The following GALNT9 variants were observed in gnomAD, a reference collection of about 807,000 sequenced individuals.
GALNT9 encodes the protein GalNAc transferase 9.
Under a neutral mutation model 63.1 loss-of-function variants are expected in GALNT9, and 47 were observed. That is an observed-to-expected ratio of 0.75 (90% CI 0.59 to 0.95). The LOEUF (loss-of-function observed/expected upper bound fraction) is 0.95. Among genes scored for constraint, GALNT9 ranks in the 40% least tolerant of loss-of-function variants. The pLI is 0.00. For missense variants in GALNT9, 829 were observed against 874.8 expected (o/e 0.95, Z 0.66); for synonymous variants, 396 against 365.7 (o/e 1.08, Z -0.94).
chr12:132,200,867 T>G (rs555214329), intron 8 of GALNT9: 6 of 504,670 alleles, frequency 1.2e-5, no homozygotes, highest in African/African-American at 7.8e-5. Flanking sequence ...TGTATGGACA[T>G]GTGGGTCTGC....
intron 1 of GALNT9, among the ~76,000 whole-genome samples, chr12:132,300,654 C>T (rs868915566): frequency 3.1e-3 from 451 of 147,686 alleles, no homozygotes; most frequent in African/African-American, 0.011. Flanking sequence ...ACCTAACCCA[C>T]CCCTGAGATG....
chr12:132,215,607 G>T (rs930331775), intron 6 of GALNT9, among the ~76,000 whole-genome samples: 7 of 152,234 alleles, frequency 4.6e-5, no homozygotes, highest in Admixed American at 1.3e-4. Context: ...CTGCTTGTTG[G>T]CTCCAAGACC....
In GALNT9 at chr12:132,257,621, C is replaced by T. The variant is rs552543913; in HGVS notation, c.959+68G>A. Reference sequence around the variant, plus strand: ...CCCTCATCCCTGGCCCTCGTCCCCACGCCCGCCTCGCTCTGCTCCGCTCCT... The same window carrying T: ...CCCTCATCCCTGGCCCTCGTCCCCATGCCCGCCTCGCTCTGCTCCGCTCCT... On this transcript the variant is annotated intron_variant, in intron 5 of 10. Transcript: ENST00000328957. The T allele has an allele frequency of 2.7e-4, 347 of 1,276,832 alleles. No individual in the cohort carries two copies. The African/African-American group carries it at 3.3e-3, about 12-fold the overall frequency. 79.1% of individuals were successfully genotyped at this position (1,276,832 alleles called of 1,614,324 possible). A position where few individuals can be genotyped will look rare whatever the true frequency, so the allele number is the denominator to read the frequency against.
At chr12:132,247,770 A>C (rs1878766239) in intron 6 of GALNT9, 140 bp downstream of exon 6, 14 of 1,211,878 alleles carry the variant, frequency 1.2e-5, no homozygotes, top group Non-Finnish European at 1.5e-5. Flanking sequence ...ACTCGCCCTC[A>C]CCCCATCCCC....
intron 6 of GALNT9, among the ~76,000 whole-genome samples, chr12:132,230,060 A>G (rs1339872717): frequency 6.6e-6 from 1 of 152,084 alleles, no homozygotes; most frequent in Non-Finnish European, 1.5e-5. Flanking sequence ...TGCATCCATC[A>G]ACAGTCGCCA....
intron 1 of GALNT9, among the ~76,000 whole-genome samples, chr12:132,304,718 G>A (rs797037490): frequency 7.4e-5 from 1 of 13,588 alleles, no homozygotes; most frequent in African/African-American, 2.4e-4. Context: ...CCTGGGCACA[G>A]CCTCACCGGG....
chr12:132,289,231 C>T (rs563593739), intron 1 of GALNT9, among the ~76,000 whole-genome samples: 4 of 152,310 alleles, frequency 2.6e-5, no homozygotes, highest in South Asian at 2.1e-4. Context: ...TTTCCCCTCC[C>T]GGTTTATCTC....
intron 6 of GALNT9, chr12:132,240,547 C>G (rs782181697): frequency 1.1e-5 from 5 of 445,880 alleles, no homozygotes; most frequent in Non-Finnish European, 2.2e-5. Flanking sequence ...GGCGTGGCCC[C>G]AGGGCTCAGC....
chr12:132,198,236 C>T (rs1875689688), intron 9 of GALNT9, among the ~76,000 whole-genome samples: 1 of 152,254 alleles, frequency 6.6e-6, no homozygotes, highest in Non-Finnish European at 1.5e-5. Context: ...ATGAATGTGG[C>T]TCAGACCCAG....
intron 1 of GALNT9, among the ~76,000 whole-genome samples, chr12:132,292,139 C>A (rs1400604150): frequency 7.7e-6 from 1 of 129,404 alleles, no homozygotes; most frequent in Non-Finnish European, 1.7e-5. Flanking sequence ...TTCCTCCCTG[C>A]CTCATTTTCC....
chr12:132,202,675 G>A (rs1463173764), intron 7 of GALNT9, among the ~76,000 whole-genome samples: 1 of 152,144 alleles, frequency 6.6e-6, no homozygotes, highest in Non-Finnish European at 1.5e-5. Context: ...ATGCAGACAA[G>A]CCCGTTTCTA....
rs1555245647 is a variant in GALNT9, at chr12:132,315,821, G to A, written c.238+13145C>T. ...TACTCCCCACCGCGTCACACAGGGT[G>A]TGAGTGACACGGCCTCAGGGGAAGA... On this transcript the variant is annotated intron_variant, in intron 1 of 10. Transcript: ENST00000328957. The surrounding 1 kb of genome is among the most constrained non-coding windows in gnomAD (Gnocchi z 6.1). Among the ~76,000 whole-genome samples the A allele has an allele frequency of 1.3e-5, 2 of 152,250 alleles. No homozygotes were observed. Among genetic ancestry groups the A allele is most frequent in the Non-Finnish European group, 2.9e-5 (2 of 68,042 alleles).
At position 132,320,746 on chromosome 12, in the gene GALNT9, C is replaced by T. The variant is rs568212834; in HGVS notation, c.238+8220G>A. Among the ~76,000 whole-genome samples, 15 of 141,502 alleles carry T rather than the reference C, an allele frequency of 1.1e-4. No homozygotes were observed. The Middle Eastern group carries it at 0.018, about 172-fold the overall frequency. 92.8% of individuals were successfully genotyped at this position (141,502 alleles called of 152,430 possible). On this transcript the variant is annotated intron_variant, in intron 1 of 10. Coordinates refer to ENST00000328957, the MANE Select transcript of GALNT9 (RefSeq NM_001122636.2). The stretch of plus-strand genomic sequence containing the variant: ...GGCCTCCGCCCCCACCAGGTGCCCT[C>T]GGGGTTGGAGAATCATCAGCCCACC...
At chr12:132,254,489 G>T (rs1879041358) in intron 5 of GALNT9, among the ~76,000 whole-genome samples, 1 of 152,130 alleles carries the variant, frequency 6.6e-6, no homozygotes, top group African/African-American at 2.4e-5. Flanking sequence ...TTCTGACAGG[G>T]CTCATGTCTC....
At chr12:132,235,547 G>T (rs1021538742) in intron 6 of GALNT9, among the ~76,000 whole-genome samples, 2 of 152,120 alleles carry the variant, frequency 1.3e-5, no homozygotes, top group South Asian at 4.1e-4. Context: ...CCCCCTTGAA[G>T]TGCCCCTCCA....
At chr12:132,199,358 C>T (rs1258746740) in intron 8 of GALNT9, 89 bp from the exon 9 acceptor site, 26 of 947,074 alleles carry the variant, frequency 2.7e-5, no homozygotes, top group South Asian at 2.2e-4. Flanking sequence ...CAGCCAGCAC[C>T]TAAGGAGGTG....
At chr12:132,222,978 A>G (rs1443486145) in intron 6 of GALNT9, among the ~76,000 whole-genome samples, 4 of 127,444 alleles carry the variant, frequency 3.1e-5, no homozygotes, top group Non-Finnish European at 6.5e-5. Flanking sequence ...CCCGCACCCC[A>G]CACAACCCAC....
chr12:132,290,583 GCCCACATCCACAGCA>G (rs1880773496), intron 1 of GALNT9, among the ~76,000 whole-genome samples: 1 of 111,598 alleles, frequency 9.0e-6, no homozygotes. Flanking sequence ...CATCCACAGC[GCCCACATCCACAGCA>G]CCCACAACCA....
At chr12:132,255,842 A>C (rs1199729443) in intron 5 of GALNT9, among the ~76,000 whole-genome samples, 2 of 152,092 alleles carry the variant, frequency 1.3e-5, no homozygotes, top group Non-Finnish European at 2.9e-5. Flanking sequence ...GCGTGGACCC[A>C]CATGCGCCTT....
Sources: gnomAD v4.1 joint callset for allele counts (sites outside exome capture counted in the v4.1 genomes callset) on GRCh38, gnomAD v4.1.1 for gene constraint, Gnocchi (gnomAD v3.1) non-coding constraint, MANE v1.5 for transcripts, NCBI Gene and HGNC (gene_info 2026-07-23, HGNC 2026-07-21) for gene names.